PIK3C2A: variants seen among roughly 807,000 people sequenced by gnomAD.
The protein encoded by PIK3C2A is phosphatidylinositol 4-phosphate 3-kinase C2 domain-containing subunit alpha.
Under a neutral mutation model 204.5 loss-of-function variants are expected in PIK3C2A, and 97 were observed. The observed-to-expected ratio is 0.47, with a 90% CI of 0.40 to 0.56. The LOEUF is 0.56. Ranked by LOEUF, PIK3C2A falls within the 20% of genes least tolerant of loss-of-function variation. The pLI is 0.00. For synonymous variants in PIK3C2A, 653 were observed against 664.4 expected (o/e 0.98, Z 0.26); for missense variants, 1,735 against 1,969.2 (o/e 0.88, Z 2.25).
intron 1 of PIK3C2A, among the ~76,000 whole-genome samples, chr11:17,186,870 G>A (rs1851770025): frequency 6.6e-6 from 1 of 152,188 alleles, no homozygotes; most frequent in South Asian, 2.1e-4. Context: ...TTGAAGCCCA[G>A]GAGTTCAAGA....
chr11:17,184,221 T>C (rs935739439), intron 1 of PIK3C2A, among the ~76,000 whole-genome samples: 1 of 109,620 alleles, frequency 9.1e-6, no homozygotes, highest in Non-Finnish European at 2.0e-5. Flanking sequence ...TCCTTCTACT[T>C]TAAAAAAAAA....
intron 1 of PIK3C2A, among the ~76,000 whole-genome samples, chr11:17,180,517 ACAAC>A (rs1851504600): frequency 1.5e-5 from 2 of 136,132 alleles, no homozygotes; most frequent in African/African-American, 2.7e-5. Context: ...AACAACAACA[ACAAC>A]AAAAAACAAA....
At chr11:17,170,831 C>T (rs951018293) in intron 1 of PIK3C2A, among the ~76,000 whole-genome samples, 2 of 152,024 alleles carry the variant, frequency 1.3e-5, no homozygotes, top group African/African-American at 2.4e-5. Flanking sequence ...TGGCCGGGCT[C>T]GGTGGCTCAC....
At chr11:17,161,790 AAGAAT>A (rs1035619132) in intron 2 of PIK3C2A, among the ~76,000 whole-genome samples, 15 of 152,176 alleles carry the variant, frequency 9.9e-5, no homozygotes, top group Non-Finnish European at 1.6e-4. Flanking sequence ...AGTAATTATA[AAGAAT>A]AGGCATTGCA....
intron 27 of PIK3C2A, among the ~76,000 whole-genome samples, chr11:17,094,964 G>A (rs970817136): frequency 1.4e-4 from 21 of 152,132 alleles, no homozygotes; most frequent in Non-Finnish European, 2.4e-4. Flanking sequence ...ACTTAAAAGT[G>A]TAAGCTGGGC....
chr11:17,159,129 A>G (rs1015620766), intron 2 of PIK3C2A, among the ~76,000 whole-genome samples: 6 of 152,190 alleles, frequency 3.9e-5, no homozygotes, highest in African/African-American at 1.4e-4. Flanking sequence ...CAAAGCATCA[A>G]ATCATCTCTT....
chr11:17,154,978 C>T (rs1850534295), intron 3 of PIK3C2A, among the ~76,000 whole-genome samples: 1 of 152,136 alleles, frequency 6.6e-6, no homozygotes, highest in Admixed American at 6.5e-5. Context: ...AGAGTTGGTT[C>T]TACTACTGAT....
chr11:17,145,995 T>C, intron 6 of PIK3C2A, 53 bp from the exon 7 acceptor site: 3 of 1,318,884 alleles, frequency 2.3e-6, no homozygotes, highest in East Asian at 2.3e-5. Context: ...GGTCTTTCTA[T>C]TGTCAAATTA....
intron 18 of PIK3C2A, 49 bp from the exon 19 acceptor site, chr11:17,117,720 T>TC (rs1849249296): frequency 8.4e-7 from 1 of 1,194,414 alleles, no homozygotes; most frequent in Admixed American, 2.4e-5. Context: ...TTTTTTTTTT[T>TC]TTTTTTTTTT....
chr11:17,189,309 T>C (rs1337579150), intron 1 of PIK3C2A, among the ~76,000 whole-genome samples: 1 of 146,888 alleles, frequency 6.8e-6, no homozygotes, highest in Non-Finnish European at 1.5e-5. Flanking sequence ...TCTCCTTTGT[T>C]TTATAGAAGC....
chr11:17,201,788 A>T (rs1852394986), intron 1 of PIK3C2A, among the ~76,000 whole-genome samples: 1 of 152,034 alleles, frequency 6.6e-6, no homozygotes, highest in Admixed American at 6.6e-5. Flanking sequence ...CCCGTAACAA[A>T]TTTTTTTAAA....
intron 8 of PIK3C2A, chr11:17,138,120 GT>G: frequency 2.6e-6 from 2 of 758,328 alleles, no homozygotes; most frequent in Non-Finnish European, 2.3e-6. Context: ...CATGTTTTTT[GT>G]TTTGGACAAT....
intron 13 of PIK3C2A, among the ~76,000 whole-genome samples, chr11:17,124,828 C>T (rs1247521358): frequency 6.6e-6 from 1 of 151,986 alleles, no homozygotes; most frequent in African/African-American, 2.4e-5. Flanking sequence ...TTGATGATAC[C>T]AGGCCTTTTG....
chr11:17,129,531 T>G (rs1849631961), intron 12 of PIK3C2A, 64 bp from the exon 13 acceptor site: 2 of 948,400 alleles, frequency 2.1e-6, no homozygotes, highest in Non-Finnish European at 3.3e-6. Context: ...TTTAACACTT[T>G]AATGAGACTG....
chr11:17,162,982 C>A (rs1425199296), intron 2 of PIK3C2A, among the ~76,000 whole-genome samples: 2 of 152,114 alleles, frequency 1.3e-5, no homozygotes, highest in Non-Finnish European at 2.9e-5. Flanking sequence ...AAACTGAATT[C>A]TCAATTCACA....
intron 32 of PIK3C2A, among the ~76,000 whole-genome samples, chr11:17,090,240 G>C (rs950860350): frequency 6.6e-6 from 1 of 152,138 alleles, no homozygotes; most frequent in Non-Finnish European, 1.5e-5. Flanking sequence ...AGGCTGAGGC[G>C]GGTAGATCAC....
intron 21 of PIK3C2A, among the ~76,000 whole-genome samples, chr11:17,112,310 G>A (rs1441630738): frequency 2.0e-5 from 3 of 151,908 alleles, no homozygotes; most frequent in Non-Finnish European, 2.9e-5. Flanking sequence ...AAAATTAGCC[G>A]GGCATGGTGG....
chr11:17,101,380 A>AC lies in PIK3C2A; in HGVS notation c.3905dup (p.Glu1303Ter), dbSNP rs869065907. The AC allele has an allele frequency of 1.3e-6, 2 of 1,596,298 alleles. No homozygotes were observed. The highest frequency in any genetic ancestry group is 1.7e-6 in the Non-Finnish European group (2 of 1,166,302). On this transcript the variant is annotated frameshift_variant, in exon 25 of 33. Transcript: ENST00000691414. LOFTEE classifies it high-confidence loss of function. ...ACTGAAAACGAATGGTGGGCTTTTC[A>AC]CCCCCATTAATGACATATGCCATAT...
intron 1 of PIK3C2A, among the ~76,000 whole-genome samples, chr11:17,191,077 C>A (rs747337353): frequency 4.6e-5 from 7 of 152,180 alleles, no homozygotes; most frequent in African/African-American, 7.2e-5. Context: ...GAAATTATGT[C>A]GGTTCTTATT....
Sources: allele counts gnomAD v4.1 joint callset (sites outside exome capture counted in the v4.1 genomes callset), GRCh38; gene constraint gnomAD v4.1.1; transcripts MANE v1.5; gene names NCBI Gene and HGNC (gene_info 2026-07-23, HGNC 2026-07-21).